CCDC171: variants seen among roughly 807,000 people sequenced by gnomAD.
CCDC171 encodes the protein coiled-coil domain containing 171, also known as coiled-coil domain-containing protein 171.
A neutral mutation model predicts 168.2 loss-of-function variants in CCDC171; 177 were observed. The ratio of observed to expected loss-of-function variants is 1.05; its 90% CI spans 0.93 to 1.19. The LOEUF is 1.19. CCDC171 is among the 50% of genes most tolerant of loss of function. The pLI, the probability that CCDC171 is intolerant of heterozygous loss-of-function variation, is 0.00. For synonymous variants in CCDC171, 687 were observed against 540.8 expected (o/e 1.27, Z -3.75); for missense variants, 1,991 against 1,539.0 (o/e 1.29, Z -4.91).
intron 7 of CCDC171, among the ~76,000 whole-genome samples, chr9:15,643,523 C>G (rs911284486): frequency 2.0e-5 from 3 of 152,240 alleles, no homozygotes; most frequent in Admixed American, 1.3e-4. Context: ...GTGGCTGCCA[C>G]TTCTTGACAT....
intron 25 of CCDC171, among the ~76,000 whole-genome samples, chr9:15,940,023 A>T (rs764924736): frequency 2.6e-5 from 4 of 151,918 alleles, no homozygotes; most frequent in Non-Finnish European, 4.4e-5. Context: ...TTCCAACAAA[A>T]ATACTTTTGC....
intron 21 of CCDC171, among the ~76,000 whole-genome samples, chr9:15,792,463 A>G (rs1457971219): frequency 6.6e-6 from 1 of 152,150 alleles, no homozygotes; most frequent in Non-Finnish European, 1.5e-5. Flanking sequence ...AATTCAGGAA[A>G]TACAGAGAAC....
the CCDC171 span, among the ~76,000 whole-genome samples, chr9:16,099,095 A>G: frequency 6.6e-6 from 1 of 152,248 alleles, no homozygotes; most frequent in Non-Finnish European, 1.5e-5. Context: ...GACTGTTTAG[A>G]GAGTGACTGT....
At position 15,845,914 on chromosome 9, in the gene CCDC171, T is replaced by C. The variant is rs527536516; in HGVS notation, c.3268-788T>C. Among the ~76,000 whole-genome samples the C allele has an allele frequency of 2.0e-5, 3 of 152,274 alleles. No homozygotes were observed. In the South Asian group the frequency reaches 6.2e-4, roughly 32 times the overall value. ...AGCTTCTGATTCTAAGCCTTCAGTG[T>C]AAAGTTGCACAATTGCATCTTGAAA... On this transcript the variant is annotated intron_variant, in intron 21 of 25. Coordinates refer to ENST00000380701, the MANE Select transcript of CCDC171 (RefSeq NM_173550.4).
At chr9:16,060,553 C>G (rs1267162128) in intron 1 of CCDC171, 1 of 152,262 alleles carries the variant, frequency 6.6e-6, no homozygotes, top group Non-Finnish European at 1.5e-5. Context: ...GGTTCATTCA[C>G]TCTGTGGATG....
intron 7 of CCDC171, among the ~76,000 whole-genome samples, chr9:15,644,747 G>C (rs567175840): frequency 6.6e-6 from 1 of 152,200 alleles, no homozygotes; most frequent in Non-Finnish European, 1.5e-5. Flanking sequence ...TGGCAGGGAA[G>C]CTCAAACTGG....
At chr9:15,835,489 G>A (rs780155988) in intron 21 of CCDC171, among the ~76,000 whole-genome samples, 2 of 152,142 alleles carry the variant, frequency 1.3e-5, no homozygotes, top group African/African-American at 2.4e-5. Context: ...GTACAATGGC[G>A]TGATCTCGGC....
intron 6 of CCDC171, among the ~76,000 whole-genome samples, chr9:15,594,441 T>A (rs1349931263): frequency 6.6e-6 from 1 of 152,172 alleles, no homozygotes; most frequent in Non-Finnish European, 1.5e-5. Context: ...TTTTCCAATT[T>A]AAAATTTGAG....
At chr9:15,751,444 C>T (rs1259561345) in intron 18 of CCDC171, among the ~76,000 whole-genome samples, 1 of 152,180 alleles carries the variant, frequency 6.6e-6, no homozygotes, top group Non-Finnish European at 1.5e-5. Context: ...TCATACGGAA[C>T]CAAGAAGAGC....
intron 25 of CCDC171, among the ~76,000 whole-genome samples, chr9:15,948,775 C>A (rs931559265): frequency 8.6e-5 from 13 of 151,588 alleles, no homozygotes; most frequent in Admixed American, 2.6e-4. Flanking sequence ...TGTGGGTTGC[C>A]TGTTCACTCT....
At chr9:15,660,928 A>G (rs2133037993) in intron 8 of CCDC171, among the ~76,000 whole-genome samples, 1 of 152,340 alleles carries the variant, frequency 6.6e-6, no homozygotes, top group South Asian at 2.1e-4. Context: ...ACTAATTTAC[A>G]TTCCCACCAA....
At chr9:15,786,891 T>A (rs2057990625) in intron 21 of CCDC171, among the ~76,000 whole-genome samples, 1 of 152,112 alleles carries the variant, frequency 6.6e-6, no homozygotes, top group Non-Finnish European at 1.5e-5. Flanking sequence ...CACCTTCAAC[T>A]GTAGCTTTCC....
chr9:16,060,893 A>T (rs1176426298), exon 2 of CCDC171: 1 of 152,216 alleles, frequency 6.6e-6, no homozygotes, highest in African/African-American at 2.4e-5. Context: ...TGTTCTTGCC[A>T]CTGGGCTTAT....
chr9:15,856,699 G>T (rs2061360477), intron 23 of CCDC171, among the ~76,000 whole-genome samples: 1 of 151,880 alleles, frequency 6.6e-6, no homozygotes, highest in South Asian at 2.1e-4. Context: ...GATTCTTATT[G>T]CCCTTCTTTT....
intron 25 of CCDC171, among the ~76,000 whole-genome samples, chr9:15,959,319 A>G (rs1830127546): frequency 6.6e-6 from 1 of 152,182 alleles, no homozygotes; most frequent in African/African-American, 2.4e-5. Context: ...TATGTCCCAC[A>G]AACTGCTTGC....
chr9:15,649,601 C>G (rs887688235), intron 7 of CCDC171, among the ~76,000 whole-genome samples: 2 of 152,164 alleles, frequency 1.3e-5, no homozygotes, highest in African/African-American at 4.8e-5. Context: ...TATGAACAGA[C>G]ACTTCTCAAA....
At chr9:15,850,014 A>G (rs1008120203) in intron 23 of CCDC171, among the ~76,000 whole-genome samples, 1 of 151,870 alleles carries the variant, frequency 6.6e-6, no homozygotes, top group African/African-American at 2.4e-5. Context: ...CCCCCTTCCC[A>G]TTTAAAAAAG....
At chr9:15,926,545 A>G (rs1411407809) in intron 25 of CCDC171, among the ~76,000 whole-genome samples, 5 of 151,642 alleles carry the variant, frequency 3.3e-5, no homozygotes, top group Non-Finnish European at 7.4e-5. Context: ...TCTCAAAACT[A>G]TTAACCAGCT....
chr9:15,561,033 T>C (rs139245768), intron 1 of CCDC171, among the ~76,000 whole-genome samples: 2 of 152,164 alleles, frequency 1.3e-5, no homozygotes, highest in African/African-American at 2.4e-5. Flanking sequence ...GGAAGCTCAG[T>C]TGGAAATGCA....
Sources: gnomAD v4.1 joint callset for allele counts (sites outside exome capture counted in the v4.1 genomes callset) on GRCh38, gnomAD v4.1.1 for gene constraint, MANE v1.5 for transcripts, NCBI Gene and HGNC (gene_info 2026-07-23, HGNC 2026-07-21) for gene names.